Variants in STX11 observed in about 807,000 individuals in gnomAD.
The protein encoded by STX11 is syntaxin-11.
In STX11, 21 loss-of-function variants were observed where a neutral mutation model predicts 19.9. That is an observed-to-expected ratio of 1.06 (90% confidence interval 0.75 to 1.52). The LOEUF is 1.52. Among genes scored for constraint, STX11 ranks in the 40% most tolerant of loss-of-function variants. The pLI, the probability that STX11 is intolerant of heterozygous loss-of-function variation, is 0.00. For synonymous variants in STX11, 193 were observed against 174.4 expected (o/e 1.11, Z -0.84); for missense variants, 438 against 405.9 (o/e 1.08, Z -0.68).
chr6:144,171,195 T>G (rs1471781882), intron 1 of STX11, among the ~76,000 whole-genome samples: 1 of 152,182 alleles, frequency 6.6e-6, no homozygotes, highest in Non-Finnish European at 1.5e-5. Context: ...CCCCCTCCTA[T>G]ACGTCCCTGA....
rs571996373 is a variant in STX11 at position 144,155,552 on chromosome 6, C to G, written c.-6+4849C>G. ...CTTGGCCTGAGCTTTTATGTGCCTG[C>G]CTATAATTCATTCAGTGCTCAGATC... On this transcript the variant is annotated intron_variant, in intron 1 of 1. Coordinates refer to ENST00000367568, the MANE Select transcript of STX11 (RefSeq NM_003764.4). This position sits in a 1 kb window ranked among gnomAD's most constrained non-coding sequence, Gnocchi z 4.5. Among the ~76,000 whole-genome samples the G allele has an allele frequency of 6.6e-6, 1 of 152,068 alleles. No homozygotes were observed. Among genetic ancestry groups the G allele is most frequent in the Non-Finnish European group, 1.5e-5 (1 of 68,008 alleles).
At position 144,172,346 on chromosome 6, in the gene STX11, C is replaced by T. The variant is rs897278399; in HGVS notation, c.-5-14277C>T. Among the ~76,000 whole-genome samples the T allele has an allele frequency of 3.3e-5, 5 of 152,124 alleles. No homozygotes were observed. The highest frequency in any genetic ancestry group is 7.3e-5 in the Non-Finnish European group (5 of 68,038). ...TCAGCTGGGGGCTGGCCTAGCTCTCCGTGCGGTCTTCACCCTCCAGGAGGC... is the reference window on the plus strand; with the variant it reads ...TCAGCTGGGGGCTGGCCTAGCTCTCTGTGCGGTCTTCACCCTCCAGGAGGC... On this transcript the variant is annotated intron_variant, in intron 1 of 1. Coordinates refer to ENST00000367568, the MANE Select transcript of STX11 (RefSeq NM_003764.4). The surrounding 1 kb of genome is among the most constrained non-coding windows in gnomAD (Gnocchi z 4.2).
chr6:144,144,406 C>T, the STX11 span, among the ~76,000 whole-genome samples: 1 of 152,190 alleles, frequency 6.6e-6, no homozygotes, highest in Non-Finnish European at 1.5e-5. Flanking sequence ...AGCATATTTT[C>T]TCTCTCCTGA....
At chr6:144,181,025 G>A (rs1449759354) in intron 1 of STX11, among the ~76,000 whole-genome samples, 2 of 152,118 alleles carry the variant, frequency 1.3e-5, no homozygotes, top group African/African-American at 4.8e-5. Context: ...ATAAAATGAA[G>A]GGATCAGAAT....
At chr6:144,144,257 G>A in the STX11 span, among the ~76,000 whole-genome samples, 1 of 152,148 alleles carries the variant, frequency 6.6e-6, no homozygotes, top group African/African-American at 2.4e-5. Flanking sequence ...AACTAGTTTT[G>A]TAAGTCTGCA....
In STX11 at chr6:144,187,312, T is replaced by C. The variant is rs1178116088; in HGVS notation, c.685T>C (p.Leu229=). The change falls in exon 2 of 2, where the codon TTG becomes CTG. Residue 229 remains leucine (L), a synonymous_variant. Coordinates refer to ENST00000367568, the MANE Select transcript of STX11 (RefSeq NM_003764.4). The surrounding 1 kb of genome is among the most constrained non-coding windows in gnomAD (Gnocchi z 5.6). ...CATCCGCGACGTACACGAGCTCTTCTTGCAGATGGCGGTGCTGGTGGAGAA... is the reference window on the plus strand; with the variant it reads ...CATCCGCGACGTACACGAGCTCTTCCTGCAGATGGCGGTGCTGGTGGAGAA... The part of the protein sequence containing the change: ...SRIRDVHELF[L]QMAVLVEKQA... The C allele has an allele frequency of 1.2e-6, 2 of 1,611,776 alleles. No homozygotes were observed. Among genetic ancestry groups the C allele is most frequent in the Non-Finnish European group, 1.7e-6 (2 of 1,179,950 alleles).
intron 1 of STX11, among the ~76,000 whole-genome samples, chr6:144,166,299 C>G (rs1027087106): frequency 5.9e-5 from 9 of 152,116 alleles, no homozygotes; most frequent in African/African-American, 1.9e-4. Flanking sequence ...AAAAGAAAAC[C>G]TAGCCACTAA....
Position 144,151,879 on chromosome 6 carries a change from T to C in STX11, c.-6+1176T>C, listed in dbSNP as rs1330674947. ...TTTAAAAGTTGAAGCTGACAAGTCC[T>C]ATTGCGGTGGGTAACAGCCCTTAGG... On this transcript the variant is annotated intron_variant, in intron 1 of 1. Coordinates refer to ENST00000367568, the MANE Select transcript of STX11 (RefSeq NM_003764.4). The surrounding 1 kb of genome is among the most constrained non-coding windows in gnomAD (Gnocchi z 4.6). 1.3e-5 allele frequency among the ~76,000 whole-genome samples: 2 copies of C among 152,190 alleles called. No homozygotes were observed. The highest frequency in any genetic ancestry group is 2.9e-5 in the Non-Finnish European group (2 of 68,038).
intron 1 of STX11, among the ~76,000 whole-genome samples, chr6:144,156,642 C>T (rs1462314590): frequency 2.0e-5 from 3 of 152,026 alleles, no homozygotes; most frequent in Admixed American, 1.3e-4. Context: ...TCTCTTTTCA[C>T]GGTTATATTT....
rs1222842966 is a variant in STX11 at position 144,188,257 on chromosome 6, T to C, written c.*766T>C. ...ACATTTATATTTTTACTTGATTACA[T>C]ATGCACATGTATGTAAATGTAAAAT... On this transcript the variant is annotated 3_prime_UTR_variant, in exon 2 of 2. Coordinates refer to ENST00000367568, the MANE Select transcript of STX11 (RefSeq NM_003764.4). 1.3e-5 allele frequency: 3 copies of C among 232,940 alleles called. No homozygotes were observed. The allele number at this position is 232,940 out of a possible 1,614,324, so 14.4% of individuals were successfully genotyped here.
At chr6:144,181,832 T>G (rs2128754863) in intron 1 of STX11, among the ~76,000 whole-genome samples, 1 of 152,302 alleles carries the variant, frequency 6.6e-6, no homozygotes, top group South Asian at 2.1e-4. Context: ...ACACAAAACT[T>G]TATTGCTCAA....
intron 1 of STX11, among the ~76,000 whole-genome samples, chr6:144,164,298 A>G (rs1266331051): frequency 2.0e-5 from 3 of 152,222 alleles, no homozygotes; most frequent in Admixed American, 6.5e-5. Flanking sequence ...TGTTGTGTAT[A>G]TTTTAGCTAA....
rs372983346 is a variant in STX11, at chr6:144,190,307, C to T, written c.*2816C>T. On this transcript the variant is annotated 3_prime_UTR_variant, in exon 2 of 2. Coordinates refer to ENST00000367568, the MANE Select transcript of STX11 (RefSeq NM_003764.4). ...TGCTTCAGTTTCCTCATCTGTAAAA[C>T]GGAGATAACAGTACTTACCTCATAG... Among the ~76,000 whole-genome samples, 26 of 152,250 alleles carry T rather than the reference C, an allele frequency of 1.7e-4. No individual in the cohort carries two copies. In the South Asian group the frequency reaches 3.3e-3, roughly 19 times the overall value.
rs1005357688 is a variant in STX11 at position 144,154,580 on chromosome 6, A to T, written c.-6+3877A>T. ...CAATGTTTTGTTGCTAAGATTTTCCATAGGGAAGCAGAAAGGCTAGCAAGG... is the reference window on the plus strand; with the variant it reads ...CAATGTTTTGTTGCTAAGATTTTCCTTAGGGAAGCAGAAAGGCTAGCAAGG... On this transcript the variant is annotated intron_variant, in intron 1 of 1. Transcript: ENST00000367568. The surrounding 1 kb of genome is among the most constrained non-coding windows in gnomAD (Gnocchi z 4.7). 1.3e-5 allele frequency among the ~76,000 whole-genome samples: 2 copies of T among 152,326 alleles called. No individual in the cohort carries two copies. Among genetic ancestry groups the T allele is most frequent in the Admixed American group, 1.3e-4 (2 of 15,302 alleles).
intron 1 of STX11, among the ~76,000 whole-genome samples, chr6:144,161,120 A>G (rs1271920884): frequency 6.6e-6 from 1 of 152,244 alleles, no homozygotes; most frequent in African/African-American, 2.4e-5. Flanking sequence ...CGGTAAATCC[A>G]GTTGAATACT....
the STX11 span, among the ~76,000 whole-genome samples, chr6:144,144,250 T>C: frequency 6.6e-6 from 1 of 152,236 alleles, no homozygotes; most frequent in East Asian, 1.9e-4. Flanking sequence ...AAGCTTTAAC[T>C]AGTTTTGTAA....
At chr6:144,164,162 A>G (rs1268790154) in intron 1 of STX11, among the ~76,000 whole-genome samples, 1 of 152,194 alleles carries the variant, frequency 6.6e-6, no homozygotes, top group Non-Finnish European at 1.5e-5. Flanking sequence ...TGTGTCCTGA[A>G]AGATGTGGAT....
chr6:144,159,576 C>T lies in STX11; in HGVS notation c.-6+8873C>T, dbSNP rs1207254236. On this transcript the variant is annotated intron_variant, in intron 1 of 1. Coordinates refer to ENST00000367568, the MANE Select transcript of STX11 (RefSeq NM_003764.4). This position sits in a 1 kb window ranked among gnomAD's most constrained non-coding sequence, Gnocchi z 4.3. The stretch of plus-strand genomic sequence containing the variant: ...GGAAAAAGACAGTACAGGAAAATGA[C>T]GCCTTCATTTAATGAGGTAAAATAG... Among the ~76,000 whole-genome samples the T allele has an allele frequency of 2.0e-5, 3 of 152,146 alleles. No individual in the cohort carries two copies. Among genetic ancestry groups the T allele is most frequent in the Non-Finnish European group, 2.9e-5 (2 of 67,996 alleles).
chr6:144,176,283 C>G lies in STX11; in HGVS notation c.-5-10340C>G, dbSNP rs1801776078. ...TGATTAAGTGGAAAGGGCATGAACT[C>G]AGGACCTGGACAGATGTGAGTTTAA... On this transcript the variant is annotated intron_variant, in intron 1 of 1. Transcript: ENST00000367568. The surrounding 1 kb of genome is among the most constrained non-coding windows in gnomAD (Gnocchi z 4.1). 6.6e-6 allele frequency among the ~76,000 whole-genome samples: 1 copy of G among 152,186 alleles called. No homozygotes were observed. Among genetic ancestry groups the G allele is most frequent in the Admixed American group, 6.5e-5 (1 of 15,284 alleles).
Sources: gnomAD v4.1 joint callset for allele counts (sites outside exome capture counted in the v4.1 genomes callset) on GRCh38, gnomAD v4.1.1 for gene constraint, Gnocchi (gnomAD v3.1) non-coding constraint, MANE v1.5 for transcripts, NCBI Gene and HGNC (gene_info 2026-07-23, HGNC 2026-07-21) for gene names.